Variants in PRKN observed in about 807,000 individuals in gnomAD.
The protein encoded by PRKN is E3 ubiquitin-protein ligase parkin.
A neutral mutation model predicts 59.5 loss-of-function variants in PRKN; 56 were observed. The observed-to-expected ratio is 0.94, with a 90% CI of 0.76 to 1.18. The LOEUF (loss-of-function observed/expected upper bound fraction) is 1.18, where lower values mean the gene tolerates loss of function less well. Among genes scored for constraint, PRKN ranks in the 50% most tolerant of loss-of-function variants. The pLI is 0.00. For missense variants in PRKN, 657 were observed against 596.4 expected, an observed-to-expected ratio of 1.10 and a Z score of -1.06; for synonymous variants, 250 against 222.1, an observed-to-expected ratio of 1.13 and a Z score of -1.12.
chr6:161,787,728 C>T (rs370843159), intron 6 of PRKN, among the ~76,000 whole-genome samples: 5 of 152,262 alleles, frequency 3.3e-5, no homozygotes, highest in East Asian at 3.9e-4. Context: ...AGGCGGATCA[C>T]GAGGTCAGGA....
chr6:162,124,012 GGCAGCAGCACACAAC>G, intron 4 of PRKN, among the ~76,000 whole-genome samples: 1 of 152,184 alleles, frequency 6.6e-6, no homozygotes, highest in Non-Finnish European at 1.5e-5. Flanking sequence ...GTATCACTCT[GGCAGCAGCACACAAC>G]CCGAGCAACA....
At chr6:162,562,391 T>C (rs1779880163) in intron 1 of PRKN, among the ~76,000 whole-genome samples, 1 of 152,096 alleles carries the variant, frequency 6.6e-6, no homozygotes, top group Non-Finnish European at 1.5e-5. Flanking sequence ...CCAAGTGTGC[T>C]CTTGGGGTCC....
chr6:162,612,001 C>A (rs371016805), intron 1 of PRKN, among the ~76,000 whole-genome samples: 10 of 150,164 alleles, frequency 6.7e-5, no homozygotes, highest in East Asian at 2.0e-4. Flanking sequence ...CTGGCTAACA[C>A]GGTGAAACCC....
At chr6:161,556,392 A>G (rs16892795) in intron 8 of PRKN, among the ~76,000 whole-genome samples, 1 of 152,216 alleles carries the variant, frequency 6.6e-6, no homozygotes, top group African/African-American at 2.4e-5. Flanking sequence ...CTGACCTGGA[A>G]CAAAGAATGT....
intron 5 of PRKN, among the ~76,000 whole-genome samples, chr6:162,000,967 C>T (rs1179546786): frequency 2.0e-5 from 3 of 151,862 alleles, no homozygotes; most frequent in African/African-American, 7.3e-5. Flanking sequence ...TATGGGTCTA[C>T]TTTTAGGCTG....
At chr6:162,727,306 G>A in intron 1 of PRKN, 2 of 347,122 alleles carry the variant, frequency 5.8e-6, no homozygotes, top group Non-Finnish European at 1.0e-5. Context: ...AGGGGCGGCG[G>A]CGGGGCGAAG....
rs144288943 is a variant in PRKN, at chr6:162,296,924, A to G, written c.172-34159T>C. On this transcript the variant is annotated intron_variant, in intron 2 of 11. Coordinates refer to ENST00000366898, the MANE Select transcript of PRKN (RefSeq NM_004562.3). Reference sequence around the variant, plus strand: ...TTCTAATCCATTTTTAAAAAAGAATAAAATCTGAAAAATAAAGTACATCTC... The same window carrying G: ...TTCTAATCCATTTTTAAAAAAGAATGAAATCTGAAAAATAAAGTACATCTC... 3.4e-3 allele frequency among the ~76,000 whole-genome samples: 523 copies of G among 152,270 alleles called. 5 individuals are homozygous for G. The highest frequency in any genetic ancestry group is 0.012 in the African/African-American group (493 of 41,552).
chr6:161,560,047 A>G lies in PRKN; in HGVS notation c.933+9308T>C, dbSNP rs1213787281. Among the ~76,000 whole-genome samples, 1 of 152,062 alleles carries G rather than the reference A, an allele frequency of 6.6e-6. No individual in the cohort carries two copies. The highest frequency in any genetic ancestry group is 1.5e-5 in the Non-Finnish European group (1 of 68,016). ...CAATGCATCCCTCATGCCCCACATCATTGCTTCAGAGGCTCAAGCTGCCTG... is the reference window on the plus strand; with the variant it reads ...CAATGCATCCCTCATGCCCCACATCGTTGCTTCAGAGGCTCAAGCTGCCTG... On this transcript the variant is annotated intron_variant, in intron 8 of 11. Transcript: ENST00000366898. The surrounding 1 kb of genome is among the most constrained non-coding windows in gnomAD (Gnocchi z 4.9).
chr6:162,418,683 C>T lies in PRKN; in HGVS notation c.171+24627G>A, dbSNP rs560012149. Among the ~76,000 whole-genome samples, 307 of 125,918 alleles carry T rather than the reference C, an allele frequency of 2.4e-3. 1 individual carries two copies. Among genetic ancestry groups the T allele is most frequent in the African/African-American group, 9.4e-3 (298 of 31,796 alleles). 82.6% of individuals were successfully genotyped at this position (125,918 alleles called of 152,430 possible). On this transcript the variant is annotated intron_variant, in intron 2 of 11. Coordinates refer to ENST00000366898, the MANE Select transcript of PRKN (RefSeq NM_004562.3). ...GTGTTGAGGGGGGGGATGGCTGGAA[C>T]CTGTGGAAAACACCCATTAGGAGGG...
chr6:162,352,358 T>C lies in PRKN; in HGVS notation c.172-89593A>G, dbSNP rs1583426556. 2.0e-5 allele frequency among the ~76,000 whole-genome samples: 3 copies of C among 152,344 alleles called. No homozygotes were observed. In the South Asian group the frequency reaches 6.2e-4, roughly 32 times the overall value. On this transcript the variant is annotated intron_variant, in intron 2 of 11. Coordinates refer to ENST00000366898, the MANE Select transcript of PRKN (RefSeq NM_004562.3). Reference sequence around the variant, plus strand: ...AGTCAAACCGCAGGACTGCCTTTACTTAAGCATACAACAGAAAAGGCTGTG... The same window carrying C: ...AGTCAAACCGCAGGACTGCCTTTACCTAAGCATACAACAGAAAAGGCTGTG...
At chr6:162,719,084 C>T (rs981569168) in intron 1 of PRKN, among the ~76,000 whole-genome samples, 5 of 152,136 alleles carry the variant, frequency 3.3e-5, no homozygotes, top group Admixed American at 1.3e-4. Context: ...AGTGGAAAGC[C>T]CACAACAGAT....
At chr6:162,440,094 G>A (rs1258805505) in intron 2 of PRKN, among the ~76,000 whole-genome samples, 1 of 151,958 alleles carries the variant, frequency 6.6e-6, no homozygotes, top group East Asian at 1.9e-4. Flanking sequence ...ATCTGTGCCA[G>A]ATCATTCGTT....
At position 162,447,128 on chromosome 6, in the gene PRKN, C is replaced by A. The variant is rs185223634; in HGVS notation, c.8-3655G>T. 1.4e-4 allele frequency among the ~76,000 whole-genome samples: 21 copies of A among 152,260 alleles called. 1 individual carries two copies. The highest frequency in any genetic ancestry group is 9.2e-4 in the Admixed American group (14 of 15,286). On this transcript the variant is annotated intron_variant, in intron 1 of 11. Transcript: ENST00000366898. ...ATCTCAGAAAGAGACTAGTACAGGG[C>A]CTATCCTCCTAGTGCTGGGCAAGTG...
intron 1 of PRKN, among the ~76,000 whole-genome samples, chr6:162,574,772 T>TTTTTC (rs2128209708): frequency 6.6e-6 from 1 of 152,124 alleles, no homozygotes; most frequent in African/African-American, 2.4e-5. Context: ...AAGTTGTTTT[T>TTTTTC]TTTTTTTGCT....
chr6:161,659,531 G>A (rs1192626630), intron 7 of PRKN, among the ~76,000 whole-genome samples: 1 of 152,140 alleles, frequency 6.6e-6, no homozygotes, highest in African/African-American at 2.4e-5. Flanking sequence ...GCTAAGTGTG[G>A]GGCAGATAAG....
intron 9 of PRKN, among the ~76,000 whole-genome samples, chr6:161,505,363 G>A (rs1401787585): frequency 1.9e-4 from 11 of 58,172 alleles, no homozygotes; most frequent in African/African-American, 8.1e-4. Flanking sequence ...CCCACTCTTT[G>A]ATGGGGTTGT....
chr6:162,705,919 T>G (rs1778322509), intron 1 of PRKN, among the ~76,000 whole-genome samples: 1 of 152,130 alleles, frequency 6.6e-6, no homozygotes, highest in Admixed American at 6.5e-5. Flanking sequence ...AGCAAAGCAC[T>G]AAACACTTCT....
At chr6:161,742,288 C>T (rs534741547) in intron 7 of PRKN, among the ~76,000 whole-genome samples, 103 of 152,186 alleles carry the variant, frequency 6.8e-4, no homozygotes, top group Non-Finnish European at 1.4e-3. Flanking sequence ...TTTGGGAGTT[C>T]CCCTGCACAA....
rs780728021 is a variant in PRKN at position 161,458,866 on chromosome 6, C to G, written c.1084-71989G>C. The stretch of plus-strand genomic sequence containing the variant: ...AAGAGCATATGGTCACTATGACTTG[C>G]TAGTATCCTTGGTCTAAACCTTATA... On this transcript the variant is annotated intron_variant, in intron 9 of 11. Coordinates refer to ENST00000366898, the MANE Select transcript of PRKN (RefSeq NM_004562.3). This position sits in a 1 kb window ranked among gnomAD's most constrained non-coding sequence, Gnocchi z 6.1. Among the ~76,000 whole-genome samples the G allele has an allele frequency of 3.3e-5, 5 of 151,682 alleles. No homozygotes were observed. The highest frequency in any genetic ancestry group is 7.4e-5 in the Non-Finnish European group (5 of 67,950).
Sources: gnomAD v4.1 joint callset for allele counts (sites outside exome capture counted in the v4.1 genomes callset) on GRCh38, gnomAD v4.1.1 for gene constraint, Gnocchi (gnomAD v3.1) non-coding constraint, MANE v1.5 for transcripts, NCBI Gene and HGNC (gene_info 2026-07-23, HGNC 2026-07-21) for gene names.